MCTP1: variants seen among roughly 807,000 people sequenced by gnomAD.
MCTP1 encodes the protein multiple C2 and transmembrane domain-containing protein 1.
Under a neutral mutation model 120.6 loss-of-function variants are expected in MCTP1, and 69 were observed. The ratio of observed to expected loss-of-function variants is 0.57; its 90% CI spans 0.47 to 0.70. The LOEUF is 0.70. Among genes scored for constraint, MCTP1 ranks in the 30% least tolerant of loss-of-function variants. The probability of loss-of-function intolerance (pLI) is 0.00; values close to 1 mark genes in which losing one functional copy is unlikely to be tolerated. For synonymous variants in MCTP1, 529 were observed against 493.1 expected (o/e 1.07, Z -0.96); for missense variants, 1,203 against 1,248.8 (o/e 0.96, Z 0.55).
At chr5:95,261,122 C>A (rs1435324181) in intron 1 of MCTP1, among the ~76,000 whole-genome samples, 2 of 152,180 alleles carry the variant, frequency 1.3e-5, no homozygotes, top group African/African-American at 4.8e-5. Context: ...TTGTTCCCAG[C>A]CCTATTCATT....
intron 2 of MCTP1, among the ~76,000 whole-genome samples, chr5:94,992,053 A>G (rs1404815578): frequency 6.6e-6 from 1 of 152,172 alleles, no homozygotes; most frequent in African/African-American, 2.4e-5. Flanking sequence ...TACAATGAGT[A>G]GGCTGTTAAC....
At chr5:94,812,481 A>G (rs1250216148) in intron 17 of MCTP1, among the ~76,000 whole-genome samples, 3 of 146,572 alleles carry the variant, frequency 2.0e-5, no homozygotes, top group Non-Finnish European at 3.0e-5. Flanking sequence ...CCAAAAAACT[A>G]AAACTAAAAC....
At chr5:95,069,700 C>CG (rs1554199366) in intron 1 of MCTP1, among the ~76,000 whole-genome samples, 1 of 138,218 alleles carries the variant, frequency 7.2e-6, no homozygotes, top group Admixed American at 7.3e-5. Context: ...CCCTTCTGCC[C>CG]TTTTTTTTTT....
rs573638173 is a variant in MCTP1 at position 95,137,970 on chromosome 5, T to C, written c.721-120486A>G. On this transcript the variant is annotated intron_variant, in intron 1 of 22. Transcript: ENST00000515393. ...TATGACTATTGAATTACAGGAAATA[T>C]GATACTTAATAAAAGTCCTACAGAA... 1.9e-4 allele frequency among the ~76,000 whole-genome samples: 29 copies of C among 152,316 alleles called. 1 individual carries two copies. In the South Asian group the frequency reaches 5.8e-3, roughly 30 times the overall value.
At chr5:94,730,990 T>G (rs1334267487) in intron 19 of MCTP1, among the ~76,000 whole-genome samples, 4 of 151,604 alleles carry the variant, frequency 2.6e-5, no homozygotes, top group Non-Finnish European at 5.9e-5. Context: ...CAATATAAAA[T>G]CAAGTACCTC....
intron 1 of MCTP1, among the ~76,000 whole-genome samples, chr5:95,252,436 G>A (rs956580659): frequency 1.3e-5 from 2 of 152,176 alleles, no homozygotes; most frequent in African/African-American, 4.8e-5. Context: ...ACTCACCAGA[G>A]CCTTATTTAG....
intron 12 of MCTP1, among the ~76,000 whole-genome samples, chr5:94,885,313 A>C (rs980976948): frequency 6.6e-6 from 1 of 151,886 alleles, no homozygotes; most frequent in South Asian, 2.1e-4. Flanking sequence ...AAAAAAAAAA[A>C]AACAGAGAGA....
In MCTP1 at chr5:95,283,517, G is replaced by GT. The variant is rs543009119; in HGVS notation, c.720+338dup. Among the ~76,000 whole-genome samples, 114 of 152,302 alleles carry GT rather than the reference G, an allele frequency of 7.5e-4. 2 individuals are homozygous for GT. In the South Asian group the frequency reaches 0.023, roughly 31 times the overall value. ...TAATTGTTTTTAAGTTATTGGGTTAGTTTTTTCTTTTGCCAAGATGAGATT... is the reference window on the plus strand; with the variant it reads ...TAATTGTTTTTAAGTTATTGGGTTAGTTTTTTTCTTTTGCCAAGATGAGATT... On this transcript the variant is annotated intron_variant, in intron 1 of 22. Coordinates refer to ENST00000515393, the MANE Select transcript of MCTP1 (RefSeq NM_024717.7).
At chr5:95,026,570 C>G (rs1244129139) in intron 1 of MCTP1, among the ~76,000 whole-genome samples, 4 of 152,102 alleles carry the variant, frequency 2.6e-5, no homozygotes, top group African/African-American at 9.7e-5. Context: ...GCTTATTTCG[C>G]TTAACAAAAT....
At chr5:94,766,615 A>G (rs1450328033) in intron 19 of MCTP1, among the ~76,000 whole-genome samples, 2 of 152,084 alleles carry the variant, frequency 1.3e-5, no homozygotes, top group African/African-American at 4.8e-5. Flanking sequence ...TGGCACATGT[A>G]TGATATGTAA....
rs58793916 is a variant in MCTP1, at chr5:94,922,495, CT to C, written c.1272+1466del. ...GAAGTGTGCCATGTATATTCCCCCC[CT>C]TTTTTTTTTGAAATGGAGTTTTGCT... On this transcript the variant is annotated intron_variant, in intron 7 of 22. Transcript: ENST00000515393. Among the ~76,000 whole-genome samples the C allele has an allele frequency of 6.9e-3, 1,011 of 146,286 alleles. 14 individuals carry two copies. Among genetic ancestry groups the C allele is most frequent in the African/African-American group, 0.024 (927 of 37,838 alleles).
Position 94,947,577 on chromosome 5 carries a change from T to TATATATATATATATAG in MCTP1, c.982-5151_982-5150insCTATATATATATATAT. ...CTAAATATATATATATATATATATA[T>TATATATATATATATAG]AGAGAGAGAGAGAGAGAGAGAGAGA... On this transcript the variant is annotated intron_variant, in intron 3 of 22. Coordinates refer to ENST00000515393, the MANE Select transcript of MCTP1 (RefSeq NM_024717.7). 8.4e-4 allele frequency among the ~76,000 whole-genome samples: 40 copies of TATATATATATATATAG among 47,388 alleles called. 1 individual carries two copies. Among genetic ancestry groups the TATATATATATATATAG allele is most frequent in the African/African-American group, 1.6e-3 (17 of 10,776 alleles). The allele number at this position is 47,388 out of a possible 152,430, so 31.1% of individuals were successfully genotyped here.
intron 10 of MCTP1, 103 bp from the exon 11 acceptor site, chr5:94,894,938 T>G (rs1803587186): frequency 1.4e-6 from 1 of 702,190 alleles, no homozygotes; most frequent in African/African-American, 1.8e-5. Context: ...AGAAATATTA[T>G]TTGGACCATT....
chr5:95,171,459 C>T (rs1197917939), intron 1 of MCTP1, among the ~76,000 whole-genome samples: 2 of 152,104 alleles, frequency 1.3e-5, no homozygotes, highest in African/African-American at 2.4e-5. Context: ...TGTTGGCCTG[C>T]CTTGCTAGGT....
intron 1 of MCTP1, among the ~76,000 whole-genome samples, chr5:95,019,129 G>A (rs766028735): frequency 6.6e-6 from 1 of 151,880 alleles, no homozygotes; most frequent in Admixed American, 6.6e-5. Flanking sequence ...TCTTTCAAAT[G>A]TTCTAACTTT....
At chr5:94,892,431 G>A (rs1426021331) in intron 11 of MCTP1, among the ~76,000 whole-genome samples, 1 of 152,120 alleles carries the variant, frequency 6.6e-6, no homozygotes, top group African/African-American at 2.4e-5. Context: ...TACCCGTTCT[G>A]AAAAGGTCAT....
intron 2 of MCTP1, among the ~76,000 whole-genome samples, chr5:95,003,687 C>T (rs1834143817): frequency 6.6e-6 from 1 of 152,222 alleles, no homozygotes; most frequent in Non-Finnish European, 1.5e-5. Flanking sequence ...CCTTTACCTT[C>T]TGCCATGACT....
chr5:94,734,918 C>T (rs932578174), intron 19 of MCTP1, among the ~76,000 whole-genome samples: 4 of 151,944 alleles, frequency 2.6e-5, no homozygotes, highest in Non-Finnish European at 5.9e-5. Context: ...ATTGATGTAC[C>T]ATTATTTATT....
intron 1 of MCTP1, among the ~76,000 whole-genome samples, chr5:95,214,908 T>C (rs1213880481): frequency 6.6e-6 from 1 of 151,402 alleles, no homozygotes; most frequent in Non-Finnish European, 1.5e-5. Context: ...GAGATATACC[T>C]AATGTAAATG....
Sources: allele counts gnomAD v4.1 joint callset (sites outside exome capture counted in the v4.1 genomes callset), GRCh38; gene constraint gnomAD v4.1.1; transcripts MANE v1.5; gene names NCBI Gene and HGNC (gene_info 2026-07-23, HGNC 2026-07-21).